Variants in CHD7 observed in about 807,000 individuals in gnomAD.
The protein encoded by CHD7 is chromodomain helicase DNA binding protein 7, also known as ATP-dependent chromatin remodeler CHD7.
Under a neutral mutation model 307.3 loss-of-function variants are expected in CHD7, and 24 were observed. That is an observed-to-expected ratio of 0.08 (90% CI 0.06 to 0.11). CHD7 has a LOEUF of 0.11. Among genes scored for constraint, CHD7 ranks in the 10% least tolerant of loss-of-function variants. CHD7 has a pLI of 1.00. For missense variants in CHD7, 3,106 were observed against 3,727.1 expected (o/e 0.83, Z 4.34); for synonymous variants, 1,363 against 1,349.9 (o/e 1.01, Z -0.21).
intron 1 of CHD7, among the ~76,000 whole-genome samples, chr8:60,723,923 C>CCAG (rs1396531133): frequency 4.6e-5 from 7 of 152,266 alleles, no homozygotes; most frequent in African/African-American, 1.4e-4. Context: ...CACACAGGAC[C>CCAG]CAGCACCATG....
intron 1 of CHD7, among the ~76,000 whole-genome samples, chr8:60,701,998 C>T (rs569097281): frequency 2.0e-4 from 30 of 152,312 alleles, no homozygotes; most frequent in African/African-American, 7.0e-4. Context: ...TATTATAGAA[C>T]AAAATAGAGA....
rs535996359 is a variant in CHD7, at chr8:60,826,280, T to G, written c.3378+2264T>G. On this transcript the variant is annotated intron_variant, in intron 13 of 37. Coordinates refer to ENST00000423902, the MANE Select transcript of CHD7 (RefSeq NM_017780.4). ...GACTCACCAACTGGGAAGCTCTGAT[T>G]AGCACATGAACAAAATATTTATTTT... Among the ~76,000 whole-genome samples the G allele has an allele frequency of 6.5e-3, 985 of 152,306 alleles. 3 individuals are homozygous for G. The highest frequency in any genetic ancestry group is 0.011 in the Non-Finnish European group (755 of 68,028).
At chr8:60,720,622 T>C (rs1421704483) in intron 1 of CHD7, among the ~76,000 whole-genome samples, 1 of 152,200 alleles carries the variant, frequency 6.6e-6, no homozygotes, top group Non-Finnish European at 1.5e-5. Context: ...ATCATCTCCG[T>C]GAGCCTGTGC....
At chr8:60,860,641 G>A (rs1261182548) in intron 34 of CHD7, among the ~76,000 whole-genome samples, 2 of 152,126 alleles carry the variant, frequency 1.3e-5, no homozygotes, top group African/African-American at 4.8e-5. Flanking sequence ...CACCATGTTG[G>A]CCAGGCTGGT....
In CHD7 at chr8:60,856,686, A is replaced by G; in HGVS notation, c.7406A>G (p.Asn2469Ser). 2 of 1,614,032 alleles carry G rather than the reference A, an allele frequency of 1.2e-6. No homozygotes were observed. Among genetic ancestry groups the G allele is most frequent in the Non-Finnish European group, 1.7e-6 (2 of 1,179,884 alleles). Residue 2469 changes from asparagine (N) to serine (S), a missense_variant, in exon 34 of 38, where the codon AAT (asparagine) becomes AGT (serine). Physicochemically the swap from Asn to Ser is conservative, Grantham distance 46. This residue lies in a region of CHD7 where 1,030 missense variants were observed against 1,165.4 expected (regional missense o/e 0.88). Transcript: ENST00000423902. ...CTTTCTTCAAAGTTTATCTTGCCTA[A>G]TGTCTCAACACCAGTGTCTGATGCC... is the stretch of plus-strand genomic sequence containing the variant. ...SSLSSKFILP[N>S]VSTPVSDAFK...
chr8:60,758,146 A>AT (rs527953605), intron 2 of CHD7, among the ~76,000 whole-genome samples: 3 of 151,130 alleles, frequency 2.0e-5, no homozygotes, highest in East Asian at 1.9e-4. Context: ...TTTTGTATAC[A>AT]TTTTTTTTTG....
At chr8:60,704,038 CT>C (rs1160014934) in intron 1 of CHD7, among the ~76,000 whole-genome samples, 1 of 152,080 alleles carries the variant, frequency 6.6e-6, no homozygotes, top group Non-Finnish European at 1.5e-5. Context: ...CATCTTAGGG[CT>C]TTTTTCCCCT....
At chr8:60,862,787 C>T in intron 37 of CHD7, 135 bp downstream of exon 37, 1 of 576,642 alleles carries the variant, frequency 1.7e-6, no homozygotes, top group Non-Finnish European at 2.9e-6. Flanking sequence ...ACATCATTTT[C>T]ATACATCATT....
At chr8:60,723,671 T>C (rs948828845) in intron 1 of CHD7, among the ~76,000 whole-genome samples, 1 of 152,252 alleles carries the variant, frequency 6.6e-6, no homozygotes, top group Non-Finnish European at 1.5e-5. Context: ...GGACACCACA[T>C]TCAGTGATAA....
chr8:60,820,109 T>C lies in CHD7; in HGVS notation c.2697+19T>C. 1 of 1,546,514 alleles carries C rather than the reference T, an allele frequency of 6.5e-7. No homozygotes were observed. The highest frequency in any genetic ancestry group is 8.9e-7 in the Non-Finnish European group (1 of 1,125,028). On this transcript the variant is annotated intron_variant, in intron 9 of 37. Transcript: ENST00000423902. ...GGGAGAGGTAACAGGAGATCATTTGTATTACAAAGTGGTGATTCAGGCAAC... is the reference window on the plus strand; with the variant it reads ...GGGAGAGGTAACAGGAGATCATTTGCATTACAAAGTGGTGATTCAGGCAAC...
chr8:60,787,905 T>A (rs981828332), intron 3 of CHD7, among the ~76,000 whole-genome samples: 2 of 149,938 alleles, frequency 1.3e-5, no homozygotes, highest in African/African-American at 4.9e-5. Context: ...CTCGGCTCAC[T>A]GCAACCTCAG....
chr8:60,721,429 A>G (rs1443732620), intron 1 of CHD7, among the ~76,000 whole-genome samples: 1 of 152,220 alleles, frequency 6.6e-6, no homozygotes, highest in African/African-American at 2.4e-5. Context: ...TTGGACTTCC[A>G]GTCTCCAGAA....
chr8:60,814,119 CTTAA>C (rs1812936866), intron 7 of CHD7, among the ~76,000 whole-genome samples: 2 of 152,134 alleles, frequency 1.3e-5, no homozygotes, highest in Non-Finnish European at 2.9e-5. Flanking sequence ...GTTTTCTTGC[CTTAA>C]TTATCTATTC....
chr8:60,738,490 T>C (rs952330101), intron 1 of CHD7, among the ~76,000 whole-genome samples: 9 of 151,566 alleles, frequency 5.9e-5, no homozygotes, highest in African/African-American at 2.2e-4. Context: ...AGGGAAGCTT[T>C]CAAAATAGGG....
Position 60,852,262 on chromosome 8 carries a change from G to T in CHD7, c.5894+15G>T, listed in dbSNP as rs1210708387. On this transcript the variant is annotated intron_variant, in intron 29 of 37. Transcript: ENST00000423902. ...AAGCGGCAAAAGTGAGTTTCTTCAAGGTTTCCACTCAGCTCCCGGTACATG... is the reference window on the plus strand; with the variant it reads ...AAGCGGCAAAAGTGAGTTTCTTCAATGTTTCCACTCAGCTCCCGGTACATG... The T allele has an allele frequency of 6.2e-7, 1 of 1,606,348 alleles. No individual in the cohort carries two copies. The highest frequency in any genetic ancestry group is 1.7e-5 in the Admixed American group (1 of 59,696).
chr8:60,723,225 C>T (rs531478756), intron 1 of CHD7, among the ~76,000 whole-genome samples: 41 of 151,878 alleles, frequency 2.7e-4, no homozygotes, highest in Non-Finnish European at 5.7e-4. Context: ...CTATTTTATT[C>T]GAATACTTAT....
At chr8:60,679,662 C>G (rs1410443092) in intron 1 of CHD7, 2 of 146,538 alleles carry the variant, frequency 1.4e-5, no homozygotes, top group East Asian at 4.0e-4. Flanking sequence ...ACCCCCGCCT[C>G]CCGCCCCCGC....
chr8:60,733,361 G>A (rs933745505), intron 1 of CHD7, among the ~76,000 whole-genome samples: 1 of 152,128 alleles, frequency 6.6e-6, no homozygotes, highest in Non-Finnish European at 1.5e-5. Context: ...ATACAATGTT[G>A]AGTACTTCAG....
At chr8:60,740,824 C>T (rs1586246023) in intron 1 of CHD7, among the ~76,000 whole-genome samples, 1 of 152,198 alleles carries the variant, frequency 6.6e-6, no homozygotes, top group South Asian at 2.1e-4. Context: ...TTACACCGCT[C>T]AGGGGAATAA....
Sources: allele counts gnomAD v4.1 joint callset (sites outside exome capture counted in the v4.1 genomes callset), GRCh38; gene constraint gnomAD v4.1.1; regional missense constraint gnomAD v4.1.1; transcripts MANE v1.5; gene names NCBI Gene and HGNC (gene_info 2026-07-23, HGNC 2026-07-21).